The following ZNF469 variants were observed in gnomAD, a reference collection of about 807,000 sequenced individuals.
ZNF469 encodes the protein zinc finger protein 469.
A neutral mutation model predicts 1.0 loss-of-function variants in ZNF469; 1 was observed. The observed-to-expected ratio is 1.00, with a 90% CI of 0.35 to 4.73. ZNF469 has a LOEUF of 4.73. Among genes scored for constraint, ZNF469 ranks in the 30% most tolerant of loss-of-function variants. The pLI is 0.16. For synonymous variants in ZNF469, 2,703 were observed against 2,363.4 expected, an observed-to-expected ratio of 1.14 and a Z score of -4.17; for missense variants, 6,100 against 5,356.3, an observed-to-expected ratio of 1.14 and a Z score of -4.33.
Position 88,439,539 on chromosome 16 carries a change from G to A in ZNF469, c.*207G>A. On this transcript the variant is annotated 3_prime_UTR_variant, in exon 3 of 3. Coordinates refer to ENST00000565624, the MANE Select transcript of ZNF469 (RefSeq NM_001367624.2). ...TCCCTTTCTTGCTGGAAGGCTGGGG[G>A]TGAAAGACGGGGCCACTGCAGCCCT... The A allele has an allele frequency of 1.6e-6, 1 of 622,762 alleles. No homozygotes were observed. Among genetic ancestry groups the A allele is most frequent in the South Asian group, 2.0e-5 (1 of 51,080 alleles). 38.6% of individuals were successfully genotyped at this position (622,762 alleles called of 1,614,324 possible).
chr16:88,268,419 C>T, the ZNF469 span, among the ~76,000 whole-genome samples: 9 of 152,202 alleles, frequency 5.9e-5, no homozygotes, highest in African/African-American at 1.4e-4. Flanking sequence ...TGTGACACTC[C>T]ATCCCCAGGG....
At chr16:88,182,846 A>T in the ZNF469 span, among the ~76,000 whole-genome samples, 1 of 152,088 alleles carries the variant, frequency 6.6e-6, no homozygotes, top group Non-Finnish European at 1.5e-5. Context: ...AAAGATTCTT[A>T]GATAGGATAC....
chr16:88,188,951 T>G, the ZNF469 span, among the ~76,000 whole-genome samples: 1 of 152,054 alleles, frequency 6.6e-6, no homozygotes, highest in African/African-American at 2.4e-5. Context: ...CCATTTAGAA[T>G]GGATGCTCAG....
Position 88,437,378 on chromosome 16 carries a change from G to C in ZNF469, c.9908G>C (p.Gly3303Ala), listed in dbSNP as rs1258862531. ...ATALADAGSP[G>A]PPRTTPSPSP... is the part of the protein sequence containing the mutation. ...GCCCTGGCTGACGCCGGCAGCCCGGGCCCCCCCAGGACGACCCCCAGCCCG... is the reference window on the plus strand; with the variant it reads ...GCCCTGGCTGACGCCGGCAGCCCGGCCCCCCCCAGGACGACCCCCAGCCCG... The change falls in exon 3 of 3, where the codon GGC becomes GCC. Residue 3303 changes from glycine (G) to alanine (A), a missense_variant. By Grantham distance (60) the Gly-to-Ala change is moderately conservative. Coordinates refer to ENST00000565624, the MANE Select transcript of ZNF469 (RefSeq NM_001367624.2). 1.0e-5 allele frequency: 16 copies of C among 1,538,078 alleles called. No homozygotes were observed. Among genetic ancestry groups the C allele is most frequent in the Middle Eastern group, 4.2e-4 (2 of 4,710 alleles).
chr16:88,418,967 G>A (rs532853859), intron 1 of ZNF469, among the ~76,000 whole-genome samples: 97 of 152,206 alleles, frequency 6.4e-4, no homozygotes, highest in Non-Finnish European at 1.9e-4. Context: ...GGGCTGCTCG[G>A]CTCCACCAGG....
At chr16:88,282,426 T>A in the ZNF469 span, among the ~76,000 whole-genome samples, 1 of 152,128 alleles carries the variant, frequency 6.6e-6, no homozygotes, top group African/African-American at 2.4e-5. Flanking sequence ...CTGAGGTCAC[T>A]GTGAAACAAT....
the ZNF469 span, among the ~76,000 whole-genome samples, chr16:88,197,036 G>T: frequency 3.9e-5 from 6 of 152,184 alleles, no homozygotes; most frequent in Non-Finnish European, 7.3e-5. Context: ...GCTGGAATTC[G>T]TCCATCAGTG....
In ZNF469 at chr16:88,427,933, G is replaced by A. The variant is rs1359863055; in HGVS notation, c.463G>A (p.Gly155Ser). Reference sequence around the variant, plus strand: ...GCTCCCTGAGGTGGACACCCCCCAGGGCCCTGGGACTGGAGCTCCACTCAG... The same window carrying A: ...GCTCCCTGAGGTGGACACCCCCCAGAGCCCTGGGACTGGAGCTCCACTCAG... ...AQLPEVDTPQGPGTGAPLRPG... is the reference protein window; with the variant it reads ...AQLPEVDTPQSPGTGAPLRPG... The change falls in exon 3 of 3, where the codon GGC becomes AGC. Residue 155 changes from glycine (G) to serine (S), a missense_variant. By Grantham distance (56) the Gly-to-Ser change is moderately conservative (BLOSUM62 0). Transcript: ENST00000565624. The A allele has an allele frequency of 6.5e-7, 1 of 1,549,934 alleles. No homozygotes were observed. Among genetic ancestry groups the A allele is most frequent in the South Asian group, 1.2e-5 (1 of 84,060 alleles).
At chr16:88,328,987 G>A in the ZNF469 span, among the ~76,000 whole-genome samples, 6 of 152,188 alleles carry the variant, frequency 3.9e-5, no homozygotes, top group East Asian at 1.9e-4. Flanking sequence ...GGGTCCCGAC[G>A]TTCACCCGCA....
the ZNF469 span, among the ~76,000 whole-genome samples, chr16:88,272,862 A>G: frequency 6.7e-6 from 1 of 149,100 alleles, no homozygotes; most frequent in Non-Finnish European, 1.5e-5. Context: ...GGACGGATGG[A>G]TGAATGGGTG....
intron 1 of ZNF469, among the ~76,000 whole-genome samples, chr16:88,398,002 C>T (rs1411619451): frequency 3.9e-5 from 6 of 152,216 alleles, no homozygotes; most frequent in Admixed American, 1.3e-4. Flanking sequence ...GGTGCAGGTC[C>T]TCTTCAGCCC....
At chr16:88,406,109 C>T (rs919560691) in intron 1 of ZNF469, among the ~76,000 whole-genome samples, 2 of 152,242 alleles carry the variant, frequency 1.3e-5, no homozygotes, top group African/African-American at 2.4e-5. Context: ...CACGCCACCA[C>T]GAGCCACCGT....
the ZNF469 span, among the ~76,000 whole-genome samples, chr16:88,133,337 G>A: frequency 0.029 from 4,391 of 150,822 alleles, no homozygotes; most frequent in African/African-American, 0.1. Context: ...GCTCGAGAAC[G>A]TCTTTTGCAC....
the ZNF469 span, among the ~76,000 whole-genome samples, chr16:88,146,434 C>T: frequency 5.9e-5 from 9 of 152,172 alleles, no homozygotes; most frequent in African/African-American, 2.2e-4. Context: ...CTGGAACCTT[C>T]TTCCCTGTGG....
chr16:88,253,425 A>G, the ZNF469 span, among the ~76,000 whole-genome samples: 25 of 151,358 alleles, frequency 1.7e-4, no homozygotes, highest in African/African-American at 6.1e-4. Flanking sequence ...TGGGATTTGC[A>G]TTTCTAGTTC....
Position 88,427,803 on chromosome 16 carries a change from G to A in ZNF469, c.333G>A (p.Arg111=), listed in dbSNP as rs761028591. ...AGGCTCCCTCAAGGCTGGCGGGCAGGGCAGAGGGCAGCCCCCCACAGCGCT... is the reference window on the plus strand; with the variant it reads ...AGGCTCCCTCAAGGCTGGCGGGCAGAGCAGAGGGCAGCCCCCCACAGCGCT... ...PLQAPSRLAG[R]AEGSPPQRYI... Residue 111 remains arginine, a synonymous_variant, in exon 3 of 3, where the codon AGG becomes AGA. Transcript: ENST00000565624. The A allele has an allele frequency of 2.6e-6, 4 of 1,547,862 alleles. No homozygotes were observed. In the South Asian group the frequency reaches 4.8e-5, roughly 18 times the overall value.
the ZNF469 span, among the ~76,000 whole-genome samples, chr16:88,254,868 T>G: frequency 6.6e-6 from 1 of 152,226 alleles, no homozygotes; most frequent in Non-Finnish European, 1.5e-5. Context: ...GAGTTTTGAT[T>G]GCAAATGCTT....
the ZNF469 span, among the ~76,000 whole-genome samples, chr16:88,252,077 G>A: frequency 6.8e-6 from 1 of 147,750 alleles, no homozygotes; most frequent in African/African-American, 2.5e-5. Context: ...AGCATCTACG[G>A]CTTCAGGTGT....
the ZNF469 span, among the ~76,000 whole-genome samples, chr16:88,202,451 C>T: frequency 1.3e-5 from 2 of 152,146 alleles, no homozygotes; most frequent in East Asian, 3.9e-4. Context: ...GCTGCACCCA[C>T]CTGTCCCCAG....
Sources: gnomAD v4.1 joint callset for allele counts (sites outside exome capture counted in the v4.1 genomes callset) on GRCh38, gnomAD v4.1.1 for gene constraint, MANE v1.5 for transcripts, NCBI Gene and HGNC (gene_info 2026-07-23, HGNC 2026-07-21) for gene names.